The following PPP6R3 variants were observed in gnomAD, a reference collection of about 807,000 sequenced individuals.
PPP6R3 encodes serine/threonine-protein phosphatase 6 regulatory subunit 3.
In PPP6R3, 38 loss-of-function variants were observed where a neutral mutation model predicts 110.7. That is an observed-to-expected ratio of 0.34 (90% CI 0.26 to 0.45). PPP6R3 has a LOEUF of 0.45. Among genes scored for constraint, PPP6R3 ranks in the 20% least tolerant of loss-of-function variants. PPP6R3 has a pLI of 1.00. For synonymous variants in PPP6R3, 369 were observed against 373.5 expected, an observed-to-expected ratio of 0.99 and a Z score of 0.14; for missense variants, 870 against 1,062.4, an observed-to-expected ratio of 0.82 and a Z score of 2.52.
chr11:68,508,965 G>A (rs1414272297), intron 1 of PPP6R3, among the ~76,000 whole-genome samples: 2 of 152,110 alleles, frequency 1.3e-5, no homozygotes, highest in East Asian at 1.9e-4. Context: ...AGAGGGCTTT[G>A]GATTCATTTC....
At chr11:68,543,211 T>TGTAA (rs1369192362) in intron 3 of PPP6R3, among the ~76,000 whole-genome samples, 1 of 152,196 alleles carries the variant, frequency 6.6e-6, no homozygotes, top group Non-Finnish European at 1.5e-5. Context: ...TTATACAGCA[T>TGTAA]GTAAGTGGTA....
At chr11:68,590,759 A>C in intron 17 of PPP6R3, 45 bp downstream of exon 17, 1 of 1,512,252 alleles carries the variant, frequency 6.6e-7, no homozygotes, top group Non-Finnish European at 9.0e-7. Context: ...ATGAGAGGTT[A>C]AAAATTGGGT....
chr11:68,502,875 G>A (rs1565458753), intron 1 of PPP6R3, among the ~76,000 whole-genome samples: 1 of 152,200 alleles, frequency 6.6e-6, no homozygotes, highest in African/African-American at 2.4e-5. Flanking sequence ...GGTTACCTGT[G>A]TTTGAAATGC....
At chr11:68,493,609 AC>A (rs1392769208) in intron 1 of PPP6R3, among the ~76,000 whole-genome samples, 27 of 110,180 alleles carry the variant, frequency 2.5e-4, no homozygotes, top group African/African-American at 7.4e-4. Context: ...AAAAAAAAAA[AC>A]AAAACCATAT....
At chr11:68,550,076 C>G (rs1367233474) in intron 5 of PPP6R3, among the ~76,000 whole-genome samples, 2 of 152,184 alleles carry the variant, frequency 1.3e-5, no homozygotes, top group African/African-American at 2.4e-5. Context: ...TCCTAGACAT[C>G]ACTTGTGAGC....
At chr11:68,494,238 C>T (rs529129329) in intron 1 of PPP6R3, among the ~76,000 whole-genome samples, 7 of 149,120 alleles carry the variant, frequency 4.7e-5, no homozygotes, top group Non-Finnish European at 8.9e-5. Flanking sequence ...TGTATCAAAA[C>T]ATCATGGCCG....
At position 68,613,141 on chromosome 11, in the gene PPP6R3, CTG is replaced by C. The variant is rs751410997; in HGVS notation, c.*25_*26del. The C allele has an allele frequency of 5.1e-5, 82 of 1,613,698 alleles. No individual in the cohort carries two copies. The highest frequency in any genetic ancestry group is 6.9e-5 in the Non-Finnish European group (82 of 1,179,926). ...GACGGGTGACGTCTGCTGCTGCTGA[CTG>C]AGGACTGCAGACCGCCACCACTCAG... On this transcript the variant is annotated 3_prime_UTR_variant, in exon 24 of 24. Coordinates refer to ENST00000393800, the MANE Select transcript of PPP6R3 (RefSeq NM_001164161.2).
chr11:68,579,838 G>A (rs1013784940), intron 14 of PPP6R3, among the ~76,000 whole-genome samples: 1 of 152,204 alleles, frequency 6.6e-6, no homozygotes, highest in Non-Finnish European at 1.5e-5. Flanking sequence ...GTACTGTGCT[G>A]TGCAGGTGTG....
In PPP6R3 at chr11:68,614,054, AAATC is replaced by A; in HGVS notation, c.*938_*941del. On this transcript the variant is annotated 3_prime_UTR_variant, in exon 24 of 24. Coordinates refer to ENST00000393800, the MANE Select transcript of PPP6R3 (RefSeq NM_001164161.2). ...TCTGCATATTTAACAGACCTAAAAT[AAATC>A]CTATTAGGCAAGTCAGTTGAAAATG... The A allele has an allele frequency of 1.0e-6, 1 of 985,742 alleles. No homozygotes were observed. Among genetic ancestry groups the A allele is most frequent in the Non-Finnish European group, 1.2e-6 (1 of 829,874 alleles). The allele number at this position is 985,742 out of a possible 1,614,324, so 61.1% of individuals were successfully genotyped here. A position where few individuals can be genotyped will look rare whatever the true frequency, so the allele number is the denominator to read the frequency against.
intron 4 of PPP6R3, 48 bp downstream of exon 4, chr11:68,545,072 T>G (rs1455873118): frequency 7.1e-7 from 1 of 1,411,280 alleles, no homozygotes. Flanking sequence ...ATCATCCCCT[T>G]GAGGTGATCC....
At chr11:68,600,053 C>T (rs1380190233) in intron 19 of PPP6R3, among the ~76,000 whole-genome samples, 1 of 152,040 alleles carries the variant, frequency 6.6e-6, no homozygotes, top group Non-Finnish European at 1.5e-5. Context: ...ACCCGGGAGG[C>T]GGAGCTTGCA....
chr11:68,486,510 CA>C (rs747700861), intron 1 of PPP6R3, among the ~76,000 whole-genome samples: 2 of 149,474 alleles, frequency 1.3e-5, no homozygotes, highest in Non-Finnish European at 3.0e-5. Context: ...GAGGCTGAGG[CA>C]GGAGAATGGC....
intron 16 of PPP6R3, among the ~76,000 whole-genome samples, chr11:68,588,734 T>C (rs1388636603): frequency 6.7e-6 from 1 of 148,286 alleles, no homozygotes; most frequent in Non-Finnish European, 1.5e-5. Flanking sequence ...CGTGAGTCAC[T>C]GCGCCTGGCC....
At chr11:68,545,072 T>C in intron 4 of PPP6R3, 48 bp downstream of exon 4, 1 of 1,411,280 alleles carries the variant, frequency 7.1e-7, no homozygotes, top group Non-Finnish European at 9.8e-7. Context: ...ATCATCCCCT[T>C]GAGGTGATCC....
intron 23 of PPP6R3, among the ~76,000 whole-genome samples, chr11:68,612,739 G>C (rs1446042113): frequency 6.6e-6 from 1 of 152,066 alleles, no homozygotes; most frequent in Non-Finnish European, 1.5e-5. Context: ...AGCTCCTGAA[G>C]GCTCTGGAAG....
At chr11:68,595,836 C>T (rs1254477305) in intron 18 of PPP6R3, among the ~76,000 whole-genome samples, 1 of 152,192 alleles carries the variant, frequency 6.6e-6, no homozygotes, top group Non-Finnish European at 1.5e-5. Flanking sequence ...ACCTCCACCC[C>T]TTCGAGAAGG....
At chr11:68,464,906 C>T (rs2098734919) in intron 1 of PPP6R3, among the ~76,000 whole-genome samples, 1 of 147,488 alleles carries the variant, frequency 6.8e-6, no homozygotes. Flanking sequence ...TTTTCGGAGA[C>T]AGTCTCACTA....
At chr11:68,483,421 A>G (rs2098928096) in intron 1 of PPP6R3, among the ~76,000 whole-genome samples, 1 of 152,206 alleles carries the variant, frequency 6.6e-6, no homozygotes, top group African/African-American at 2.4e-5. Flanking sequence ...ATCCCTCAGG[A>G]GAATGGTGCA....
chr11:68,465,594 A>G (rs770348999), intron 1 of PPP6R3, among the ~76,000 whole-genome samples: 10 of 152,234 alleles, frequency 6.6e-5, no homozygotes, highest in Non-Finnish European at 1.3e-4. Flanking sequence ...ACCAGTGACC[A>G]CCATCTACTT....
Sources: gnomAD v4.1 joint callset for allele counts (sites outside exome capture counted in the v4.1 genomes callset) on GRCh38, gnomAD v4.1.1 for gene constraint, MANE v1.5 for transcripts, NCBI Gene and HGNC (gene_info 2026-07-23, HGNC 2026-07-21) for gene names.